PBX1: variants seen among roughly 807,000 people sequenced by gnomAD.
PBX1 encodes pre-B-cell leukemia transcription factor 1.
Under a neutral mutation model 53.4 loss-of-function variants are expected in PBX1, and 6 were observed. The observed-to-expected ratio is 0.11, with a 90% confidence interval of 0.06 to 0.22. PBX1 has a LOEUF of 0.22. Ranked by LOEUF, PBX1 falls within the 10% of genes least tolerant of loss-of-function variation. PBX1 has a pLI of 1.00. For synonymous variants in PBX1, 204 were observed against 212.3 expected, an observed-to-expected ratio of 0.96 and a Z score of 0.34; for missense variants, 251 against 551.4, an observed-to-expected ratio of 0.46 and a Z score of 5.46.
chr1:164,633,904 T>C (rs1023087935), intron 2 of PBX1, among the ~76,000 whole-genome samples: 5 of 152,212 alleles, frequency 3.3e-5, no homozygotes, highest in African/African-American at 7.2e-5. Flanking sequence ...ATTATTGTTA[T>C]TATTATTTTC....
intron 5 of PBX1, among the ~76,000 whole-genome samples, chr1:164,811,042 G>A (rs969188024): frequency 5.3e-5 from 8 of 152,142 alleles, no homozygotes; most frequent in African/African-American, 1.9e-4. Context: ...GTAAGCTGTG[G>A]TACATGTGGG....
intron 2 of PBX1, among the ~76,000 whole-genome samples, chr1:164,611,956 C>T (rs973008387): frequency 2.0e-5 from 3 of 152,188 alleles, no homozygotes; most frequent in Non-Finnish European, 4.4e-5. Flanking sequence ...TGTCAGGTTA[C>T]ACCCCAGCCT....
Position 164,849,511 on chromosome 1 carries a change from C to A in PBX1, c.*2835C>A. On this transcript the variant is annotated 3_prime_UTR_variant, in exon 9 of 9. Coordinates refer to ENST00000420696, the MANE Select transcript of PBX1 (RefSeq NM_002585.4). Reference sequence around the variant, plus strand: ...TCCTGGGAATTCACATGAGGCCAGTCCTACAGAGAGCAAGATGCACCCCAG... The same window carrying A: ...TCCTGGGAATTCACATGAGGCCAGTACTACAGAGAGCAAGATGCACCCCAG... 1.4e-6 allele frequency: 2 copies of A among 1,467,696 alleles called. No homozygotes were observed. Among genetic ancestry groups the A allele is most frequent in the African/African-American group, 1.4e-5 (1 of 71,710 alleles). The allele number at this position is 1,467,696 out of a possible 1,614,324, so 90.9% of individuals were successfully genotyped here.
intron 8 of PBX1, among the ~76,000 whole-genome samples, chr1:164,838,072 A>T (rs1247787663): frequency 6.6e-6 from 1 of 152,196 alleles, no homozygotes; most frequent in Non-Finnish European, 1.5e-5. Flanking sequence ...TGGCATTAGG[A>T]TGTTGGCAGG....
intron 8 of PBX1, among the ~76,000 whole-genome samples, chr1:164,822,903 C>T (rs1282490452): frequency 6.6e-6 from 1 of 152,146 alleles, no homozygotes; most frequent in Non-Finnish European, 1.5e-5. Context: ...TAAGTGTTCC[C>T]CATCATTGGA....
At position 164,849,568 on chromosome 1, in the gene PBX1, G is replaced by T. The variant is rs1053061851; in HGVS notation, c.*2892G>T. 1.9e-6 allele frequency: 2 copies of T among 1,062,256 alleles called. No homozygotes were observed. The highest frequency in any genetic ancestry group is 2.6e-6 in the Non-Finnish European group (2 of 761,436). The allele number at this position is 1,062,256 out of a possible 1,614,324, so 65.8% of individuals were successfully genotyped here. A position where few individuals can be genotyped will look rare whatever the true frequency, so the allele number is the denominator to read the frequency against. On this transcript the variant is annotated 3_prime_UTR_variant, in exon 9 of 9. Coordinates refer to ENST00000420696, the MANE Select transcript of PBX1 (RefSeq NM_002585.4). Reference sequence around the variant, plus strand: ...TTCATTTTCTAATAGATGTGGGAGTGCTCCATTTTCCCCGACAGCGAATTT... The same window carrying T: ...TTCATTTTCTAATAGATGTGGGAGTTCTCCATTTTCCCCGACAGCGAATTT...
At chr1:164,791,343 C>A (rs532947836) in intron 2 of PBX1, among the ~76,000 whole-genome samples, 1 of 152,296 alleles carries the variant, frequency 6.6e-6, no homozygotes, top group South Asian at 2.1e-4. Context: ...TCTCATTGAT[C>A]TGAGACGCCA....
At chr1:164,653,429 A>G (rs1659958301) in intron 2 of PBX1, among the ~76,000 whole-genome samples, 3 of 151,796 alleles carry the variant, frequency 2.0e-5, no homozygotes, top group Admixed American at 2.0e-4. Context: ...CACATGGGTG[A>G]TGGCCTGGCT....
chr1:164,663,764 G>A lies in PBX1; in HGVS notation c.265+100453G>A, dbSNP rs562983009. Reference sequence around the variant, plus strand: ...GCAAAGTATGTTGAAGTGTGTTGGCGCCTTAAATAAAATATCAATTGCCAG... The same window carrying A: ...GCAAAGTATGTTGAAGTGTGTTGGCACCTTAAATAAAATATCAATTGCCAG... On this transcript the variant is annotated intron_variant, in intron 2 of 8. Transcript: ENST00000420696. Among the ~76,000 whole-genome samples, 23 of 152,306 alleles carry A rather than the reference G, an allele frequency of 1.5e-4. No homozygotes were observed. In the South Asian group the frequency reaches 2.5e-3, roughly 16 times the overall value.
intron 8 of PBX1, among the ~76,000 whole-genome samples, chr1:164,839,324 G>A (rs192796791): frequency 1.3e-5 from 2 of 152,286 alleles, no homozygotes; most frequent in East Asian, 1.9e-4. Flanking sequence ...ATCAACCACT[G>A]TATGCCCAGT....
At chr1:164,792,853 T>C in intron 3 of PBX1, 115 bp downstream of exon 3, 1 of 787,148 alleles carries the variant, frequency 1.3e-6, no homozygotes, top group Non-Finnish European at 2.0e-6. Flanking sequence ...CTGGCATCCC[T>C]GTGCCCGGCA....
chr1:164,651,527 G>C (rs1659820785), intron 2 of PBX1, among the ~76,000 whole-genome samples: 2 of 152,114 alleles, frequency 1.3e-5, no homozygotes, highest in Non-Finnish European at 2.9e-5. Context: ...CGTTACCAAA[G>C]CTCAAGGTGT....
At chr1:164,759,145 T>A (rs1666678419) in intron 2 of PBX1, among the ~76,000 whole-genome samples, 1 of 152,254 alleles carries the variant, frequency 6.6e-6, no homozygotes, top group Non-Finnish European at 1.5e-5. Context: ...TAATATAGTT[T>A]ATCCTACTAT....
intron 2 of PBX1, among the ~76,000 whole-genome samples, chr1:164,673,978 T>C (rs2101979259): frequency 6.6e-6 from 1 of 152,018 alleles, no homozygotes; most frequent in Admixed American, 6.6e-5. Flanking sequence ...TGCTTACACA[T>C]TGGGAAACTG....
intron 2 of PBX1, among the ~76,000 whole-genome samples, chr1:164,650,051 CTT>C (rs1438278822): frequency 2.6e-5 from 4 of 152,120 alleles, no homozygotes; most frequent in Non-Finnish European, 4.4e-5. Flanking sequence ...AGAAGCAACT[CTT>C]AACTCTGGCC....
intron 4 of PBX1, among the ~76,000 whole-genome samples, chr1:164,803,750 C>T (rs1023636165): frequency 6.6e-6 from 1 of 152,130 alleles, no homozygotes; most frequent in Admixed American, 6.5e-5. Flanking sequence ...TGAATTTATC[C>T]TATTAAACAG....
intron 2 of PBX1, among the ~76,000 whole-genome samples, chr1:164,574,433 G>A (rs1200380217): frequency 6.6e-6 from 1 of 152,194 alleles, no homozygotes; most frequent in Admixed American, 6.5e-5. Flanking sequence ...CCTCTGATCT[G>A]ACTCCATATT....
At chr1:164,669,456 C>T (rs141758987) in intron 2 of PBX1, among the ~76,000 whole-genome samples, 2 of 152,188 alleles carry the variant, frequency 1.3e-5, no homozygotes, top group East Asian at 3.9e-4. Flanking sequence ...GCACATTCTT[C>T]TAGCAGATGT....
chr1:164,628,754 T>C (rs944625609), intron 2 of PBX1, among the ~76,000 whole-genome samples: 2 of 152,168 alleles, frequency 1.3e-5, no homozygotes, highest in Non-Finnish European at 2.9e-5. Context: ...ATATATGATA[T>C]GTGGGGTGCT....
Sources: allele counts gnomAD v4.1 joint callset (sites outside exome capture counted in the v4.1 genomes callset), GRCh38; gene constraint gnomAD v4.1.1; transcripts MANE v1.5; gene names NCBI Gene and HGNC (gene_info 2026-07-23, HGNC 2026-07-21).